HIPK2: variants seen among roughly 807,000 people sequenced by gnomAD.
The protein encoded by HIPK2 is homeodomain interacting protein kinase 2, also known as homeodomain-interacting protein kinase 2.
Under a neutral mutation model 113.7 loss-of-function variants are expected in HIPK2, and 27 were observed. The ratio of observed to expected loss-of-function variants is 0.24; its 90% CI spans 0.17 to 0.33. The LOEUF is 0.33. Among genes scored for constraint, HIPK2 ranks in the 10% least tolerant of loss-of-function variants. HIPK2 has a pLI of 1.00. For synonymous variants in HIPK2, 631 were observed against 642.2 expected (o/e 0.98, Z 0.26); for missense variants, 1,257 against 1,588.0 (o/e 0.79, Z 3.54).
chr7:139,742,128 CTT>C (rs1248210402), intron 1 of HIPK2, among the ~76,000 whole-genome samples: 2 of 152,172 alleles, frequency 1.3e-5, no homozygotes, highest in Non-Finnish European at 2.9e-5. Flanking sequence ...GTCATAAACC[CTT>C]ACTCAGCCAC....
intron 2 of HIPK2, among the ~76,000 whole-genome samples, chr7:139,687,354 T>C (rs1794256236): frequency 6.6e-6 from 1 of 152,244 alleles, no homozygotes; most frequent in African/African-American, 2.4e-5. Context: ...CTACAGTTTT[T>C]TATATGCACT....
rs556337946 is a variant in HIPK2 at position 139,573,094 on chromosome 7, C to T, written c.3430G>A (p.Val1144Ile). 1 of 1,611,950 alleles carries T rather than the reference C, an allele frequency of 6.2e-7. No homozygotes were observed. Reference sequence around the variant, plus strand: ...ACCCGGGGGCCCATGCTCACGGGGACCTGGTGGACGATGCTGGCTGGGTAG... The same window carrying T: ...ACCCGGGGGCCCATGCTCACGGGGATCTGGTGGACGATGCTGGCTGGGTAG... ...TAYPASIVHQ[V>I]PVSMGPRVLP... The change falls in exon 15 of 15, where the codon GTC becomes ATC. Residue 1144 changes from valine (V) to isoleucine (I), a missense_variant. By Grantham distance (29) the Val-to-Ile change is conservative. This residue lies in a region of HIPK2 where 862 missense variants were observed against 1,004.3 expected (regional missense o/e 0.86). Transcript: ENST00000406875.
At chr7:139,757,644 T>C (rs1413549249) in intron 1 of HIPK2, among the ~76,000 whole-genome samples, 3 of 152,106 alleles carry the variant, frequency 2.0e-5, no homozygotes, top group Non-Finnish European at 2.9e-5. Context: ...ATTCCATTTA[T>C]AGAAAACGTC....
At chr7:139,677,806 C>T (rs983767107) in intron 2 of HIPK2, among the ~76,000 whole-genome samples, 7 of 152,194 alleles carry the variant, frequency 4.6e-5, no homozygotes, top group Admixed American at 1.3e-4. Context: ...CTGTCTTCCA[C>T]AATGGTTGAA....
intron 2 of HIPK2, among the ~76,000 whole-genome samples, chr7:139,661,409 T>C (rs552752867): frequency 1.3e-5 from 2 of 152,276 alleles, no homozygotes; most frequent in Admixed American, 1.3e-4. Context: ...GCAGGATAAG[T>C]CTACCCATCT....
At chr7:139,662,052 ATCT>A (rs1410152018) in intron 2 of HIPK2, among the ~76,000 whole-genome samples, 1 of 152,208 alleles carries the variant, frequency 6.6e-6, no homozygotes, top group Non-Finnish European at 1.5e-5. Context: ...CTCTACTGAG[ATCT>A]TCTTTATTCT....
At chr7:139,766,868 C>A (rs1054649030) in intron 1 of HIPK2, among the ~76,000 whole-genome samples, 1 of 152,150 alleles carries the variant, frequency 6.6e-6, no homozygotes, top group Non-Finnish European at 1.5e-5. Flanking sequence ...GCCCCAAGAC[C>A]AAACTGGATG....
chr7:139,729,206 T>A (rs1259510828), intron 1 of HIPK2, among the ~76,000 whole-genome samples: 5 of 151,946 alleles, frequency 3.3e-5, no homozygotes, highest in African/African-American at 4.8e-5. Context: ...ACACCCATAG[T>A]CCCAGCTATT....
intron 2 of HIPK2, among the ~76,000 whole-genome samples, chr7:139,667,077 C>A (rs374359745): frequency 0.027 from 4,111 of 149,502 alleles, 78 homozygotes; most frequent in Non-Finnish European, 0.041. Flanking sequence ...AAAAAAAAAA[C>A]AAAACAAAAA....
At position 139,633,894 on chromosome 7, in the gene HIPK2, G is replaced by A. The variant is rs556767129; in HGVS notation, c.1104-2169C>T. Among the ~76,000 whole-genome samples the A allele has an allele frequency of 2.6e-5, 4 of 151,876 alleles. No homozygotes were observed. In the South Asian group the frequency reaches 6.2e-4, roughly 24 times the overall value. On this transcript the variant is annotated intron_variant, in intron 2 of 14. Transcript: ENST00000406875. ...CAGGAGGCAGAGGCTGCAGTGAGCC[G>A]GGATCGTGCCATTGTACTCCAGCCT...
rs918426151 is a variant in HIPK2, at chr7:139,714,261, G to C, written c.1103+1671C>G. On this transcript the variant is annotated intron_variant, in intron 2 of 14. Coordinates refer to ENST00000406875, the MANE Select transcript of HIPK2 (RefSeq NM_022740.5). This position sits in a 1 kb window ranked among gnomAD's most constrained non-coding sequence, Gnocchi z 4.2. Reference sequence around the variant, plus strand: ...CTAACTCAGGAAATGCCTCCTAAAGGGAAGAGGGAAGAGACAGAAACAGCA... The same window carrying C: ...CTAACTCAGGAAATGCCTCCTAAAGCGAAGAGGGAAGAGACAGAAACAGCA... Among the ~76,000 whole-genome samples, 10 of 152,226 alleles carry C rather than the reference G, an allele frequency of 6.6e-5. No homozygotes were observed. Among genetic ancestry groups the C allele is most frequent in the Non-Finnish European group, 1.5e-4 (10 of 68,036 alleles).
intron 2 of HIPK2, among the ~76,000 whole-genome samples, chr7:139,652,172 C>T (rs1801486611): frequency 6.6e-6 from 1 of 152,178 alleles, no homozygotes; most frequent in African/African-American, 2.4e-5. Flanking sequence ...TTCTGTAGTC[C>T]TTTGCACATT....
Position 139,573,309 on chromosome 7 carries a change from G to A in HIPK2, c.3215C>T (p.Ser1072Phe), listed in dbSNP as rs1026893000. ...GTGGCTGGGGCTGTTGTGCGGGAAG[G>A]AGTACGGAGCCTGGGCCATGGTGGG... ...ITPTMAQAPY[S>F]FPHNSPSHGT... The change falls in exon 15 of 15, where the codon TCC (serine) becomes TTC (phenylalanine). Residue 1072 changes from serine to phenylalanine, a missense_variant. Ser to Phe is a radical substitution (Grantham distance 155). This residue lies in a region of HIPK2 where 862 missense variants were observed against 1,004.3 expected (regional missense o/e 0.86). Transcript: ENST00000406875. The A allele has an allele frequency of 1.9e-6, 3 of 1,605,298 alleles. No homozygotes were observed. The highest frequency in any genetic ancestry group is 2.5e-6 in the Non-Finnish European group (3 of 1,179,824).
rs1569439171 is a variant in HIPK2, at chr7:139,571,648, TA to T, written c.*1278del. The T allele has an allele frequency of 6.7e-6, 1 of 150,366 alleles. No individual in the cohort carries two copies. Among genetic ancestry groups the T allele is most frequent in the South Asian group, 2.1e-4 (1 of 4,756 alleles). The allele number at this position is 150,366 out of a possible 1,614,324, so 9.3% of individuals were successfully genotyped here. On this transcript the variant is annotated 3_prime_UTR_variant, in exon 15 of 15. Coordinates refer to ENST00000406875, the MANE Select transcript of HIPK2 (RefSeq NM_022740.5). ...GGAAAGACAACGGGCATTAACATTTTAAAAAGAAAAAGAAAAAGAAAAAAAA... is the reference window on the plus strand; with the variant it reads ...GGAAAGACAACGGGCATTAACATTTTAAAAGAAAAAGAAAAAGAAAAAAAA...
chr7:139,598,844 G>A (rs577930087), intron 11 of HIPK2, among the ~76,000 whole-genome samples: 3 of 152,216 alleles, frequency 2.0e-5, no homozygotes, highest in Non-Finnish European at 4.4e-5. Flanking sequence ...TGAGGATTGA[G>A]ACAGTGGACT....
chr7:139,738,181 G>A lies in HIPK2; in HGVS notation c.20-21166C>T, dbSNP rs1033223650. Among the ~76,000 whole-genome samples the A allele has an allele frequency of 9.2e-5, 14 of 152,326 alleles. No individual in the cohort carries two copies. The South Asian group carries it at 1.4e-3, about 16-fold the overall frequency. ...TTCTAAAAGGAATGAGAACTCCACC[G>A]GGTCAACTGACAAAACTGGAATGTA... On this transcript the variant is annotated intron_variant, in intron 1 of 14. Coordinates refer to ENST00000406875, the MANE Select transcript of HIPK2 (RefSeq NM_022740.5).
chr7:139,704,193 C>T (rs1434023631), intron 2 of HIPK2, among the ~76,000 whole-genome samples: 1 of 140,536 alleles, frequency 7.1e-6, no homozygotes, highest in Non-Finnish European at 1.5e-5. Context: ...ATCCAACATA[C>T]ACACCCAACA....
At chr7:139,696,050 AG>A in intron 2 of HIPK2, among the ~76,000 whole-genome samples, 1 of 152,326 alleles carries the variant, frequency 6.6e-6, no homozygotes, top group East Asian at 1.9e-4. Context: ...GGCCAGAGGG[AG>A]AAAAAGTGTG....
intron 2 of HIPK2, among the ~76,000 whole-genome samples, chr7:139,692,768 T>C (rs1794444028): frequency 6.6e-6 from 1 of 152,158 alleles, no homozygotes; most frequent in Non-Finnish European, 1.5e-5. Flanking sequence ...TCAGTACCCA[T>C]TATGTGGGTG....
Sources: gnomAD v4.1 joint callset for allele counts (sites outside exome capture counted in the v4.1 genomes callset) on GRCh38, gnomAD v4.1.1 for gene constraint, gnomAD v4.1.1 regional missense constraint, Gnocchi (gnomAD v3.1) non-coding constraint, MANE v1.5 for transcripts, NCBI Gene and HGNC (gene_info 2026-07-23, HGNC 2026-07-21) for gene names.